Variants in CHD1L observed in about 807,000 individuals in gnomAD.
CHD1L encodes the protein chromodomain helicase DNA binding protein 1 like.
CHD1L carries 118 observed loss-of-function variants against 115.9 expected under a neutral mutation model. The ratio of observed to expected loss-of-function variants is 1.02; its 90% confidence interval spans 0.88 to 1.19. CHD1L has a LOEUF of 1.19. Among genes scored for constraint, CHD1L ranks in the 50% most tolerant of loss-of-function variants. The pLI is 0.00. For synonymous variants in CHD1L, 411 were observed against 387.1 expected (o/e 1.06, Z -0.72); for missense variants, 1,179 against 1,065.3 (o/e 1.11, Z -1.49).
At chr1:147,200,262 C>G in the CHD1L span, among the ~76,000 whole-genome samples, 1 of 152,200 alleles carries the variant, frequency 6.6e-6, no homozygotes, top group Non-Finnish European at 1.5e-5. Flanking sequence ...CTGAGTAAAT[C>G]TAATCCTTCT....
In CHD1L at chr1:147,275,447, C is replaced by T. The variant is rs1367036387; in HGVS notation, c.1364C>T (p.Ala455Val). Residue 455 changes from alanine to valine, a missense_variant, in exon 13 of 23, where the codon GCT (alanine) becomes GTT (valine). Coordinates refer to ENST00000369258, the MANE Select transcript of CHD1L (RefSeq NM_004284.6). ...PQNDLQAAAR[A>V]HRIGQNKSVK... ...AATGACTTGCAAGCAGCTGCCAGGG[C>T]TCATCGCATTGGCCAAAACAAGTAA... The T allele has an allele frequency of 6.2e-7, 1 of 1,613,990 alleles. No individual in the cohort carries two copies. The highest frequency in any genetic ancestry group is 8.5e-7 in the Non-Finnish European group (1 of 1,179,870).
the CHD1L span, chr1:147,201,420 C>G: frequency 6.2e-7 from 1 of 1,614,156 alleles, no homozygotes; most frequent in Admixed American, 1.7e-5. Flanking sequence ...CCGTGAATTC[C>G]TTCACATTTC....
intron 5 of CHD1L, chr1:147,258,777 C>T (rs1553941971): frequency 2.0e-5 from 3 of 152,138 alleles, no homozygotes; most frequent in Non-Finnish European, 2.9e-5. Flanking sequence ...TCCATACCTA[C>T]TATTTTTCCA....
At chr1:147,278,286 G>A (rs1194814703) in intron 14 of CHD1L, among the ~76,000 whole-genome samples, 4 of 139,736 alleles carry the variant, frequency 2.9e-5, no homozygotes, top group Non-Finnish European at 3.0e-5. Context: ...GTGCAGTGGC[G>A]CGATCTCAGC....
chr1:147,274,097 C>T (rs1677337767), intron 12 of CHD1L, among the ~76,000 whole-genome samples: 1 of 152,140 alleles, frequency 6.6e-6, no homozygotes, highest in Non-Finnish European at 1.5e-5. Flanking sequence ...AAAGCACGGG[C>T]TCTGGACCAA....
chr1:147,203,164 A>T, the CHD1L span: 3 of 579,350 alleles, frequency 5.2e-6, no homozygotes, highest in Admixed American at 3.4e-5. Context: ...TCCAGCCAAG[A>T]ATACAAACAC....
At chr1:147,189,214 C>T in the CHD1L span, among the ~76,000 whole-genome samples, 1 of 151,396 alleles carries the variant, frequency 6.6e-6, no homozygotes, top group Admixed American at 6.6e-5. Context: ...GCAGAGGTTG[C>T]AGTGAGCGAA....
the CHD1L span, among the ~76,000 whole-genome samples, chr1:147,188,219 T>G: frequency 6.6e-6 from 1 of 152,072 alleles, no homozygotes. Context: ...TAATAGTAGG[T>G]CAAGATCTAT....
intron 2 of CHD1L, among the ~76,000 whole-genome samples, chr1:147,253,183 T>G (rs1668967045): frequency 6.6e-6 from 1 of 152,212 alleles, no homozygotes; most frequent in Admixed American, 6.5e-5. Flanking sequence ...TTCCATTTTC[T>G]GGAAGAGTTT....
At chr1:147,285,605 T>C (rs1217259658) in intron 17 of CHD1L, 118 bp downstream of exon 17, 1 of 1,154,848 alleles carries the variant, frequency 8.7e-7, no homozygotes, top group Non-Finnish European at 1.2e-6. Context: ...TGGTTCCTAT[T>C]GGTAACAGAA....
At chr1:147,239,410 C>T (rs1445346935), upstream of CHD1L, among the ~76,000 whole-genome samples, 1 of 152,206 alleles carries the variant, frequency 6.6e-6, no homozygotes, top group Non-Finnish European at 1.5e-5. Flanking sequence ...GCTCGGGCCA[C>T]ATCCCTGAAC....
At chr1:147,283,214 A>T (rs1681618678) in intron 15 of CHD1L, among the ~76,000 whole-genome samples, 1 of 152,134 alleles carries the variant, frequency 6.6e-6, no homozygotes, top group South Asian at 2.1e-4. Flanking sequence ...TGCCTCATTG[A>T]AAGCCCCCTG....
the CHD1L span, among the ~76,000 whole-genome samples, chr1:147,189,340 C>G: frequency 4.8e-4 from 73 of 150,956 alleles, no homozygotes; most frequent in East Asian, 0.013. Flanking sequence ...AGGGAGGCAG[C>G]AAAAGGTGAG....
At chr1:147,258,862 T>A (rs997472518) in intron 5 of CHD1L, 1 of 152,236 alleles carries the variant, frequency 6.6e-6, no homozygotes, top group Non-Finnish European at 1.5e-5. Context: ...AGAATGTTTA[T>A]AATCAAAATA....
chr1:147,284,306 T>C (rs187846232), intron 15 of CHD1L, 45 bp from the exon 16 acceptor site: 2 of 1,449,770 alleles, frequency 1.4e-6, no homozygotes, highest in Admixed American at 2.2e-5. Flanking sequence ...TAATCTATTT[T>C]TCCTTGGTAT....
the CHD1L span, chr1:147,216,071 G>T: frequency 2.0e-5 from 13 of 635,978 alleles, no homozygotes; most frequent in African/African-American, 2.4e-4. Context: ...TCCAGTATTT[G>T]TGCCCTTATG....
chr1:147,267,608 C>T, intron 9 of CHD1L, 90 bp downstream of exon 9: 3 of 909,696 alleles, frequency 3.3e-6, no homozygotes, highest in Non-Finnish European at 5.1e-6. Context: ...ATTGCATATA[C>T]TTACTTTGTC....
the CHD1L span, chr1:147,186,345 T>G: frequency 1.0e-6 from 1 of 972,688 alleles, no homozygotes; most frequent in South Asian, 4.8e-5. Context: ...AGTACACTAG[T>G]GAATAGCAAG....
the CHD1L span, among the ~76,000 whole-genome samples, chr1:147,198,677 C>T: frequency 2.6e-5 from 4 of 151,562 alleles, no homozygotes; most frequent in Admixed American, 1.3e-4. Flanking sequence ...GGTGAAACCC[C>T]GTCTGTATTA....
Sources: allele counts gnomAD v4.1 joint callset (sites outside exome capture counted in the v4.1 genomes callset), GRCh38; gene constraint gnomAD v4.1.1; transcripts MANE v1.5; gene names NCBI Gene and HGNC (gene_info 2026-07-23, HGNC 2026-07-21).